Variants in OPRM1 observed in about 807,000 individuals in gnomAD.
OPRM1 encodes the protein mu-type opioid receptor.
In OPRM1, 27 loss-of-function variants were observed where a neutral mutation model predicts 31.8. The observed-to-expected ratio is 0.85, with a 90% CI of 0.63 to 1.17. OPRM1 has a LOEUF of 1.17. Ranked by LOEUF, OPRM1 falls within the 50% of genes most tolerant of loss-of-function variation. OPRM1 has a pLI of 0.00. For missense variants in OPRM1, 536 were observed against 511.1 expected (o/e 1.05, Z -0.47); for synonymous variants, 196 against 189.9 (o/e 1.03, Z -0.26).
intron 3 of OPRM1, among the ~76,000 whole-genome samples, chr6:154,112,833 C>T (rs1158210222): frequency 6.6e-6 from 1 of 152,202 alleles, no homozygotes; most frequent in African/African-American, 2.4e-5. Flanking sequence ...TCTGTTTCCA[C>T]TTATTTCAGT....
rs187704204 is a variant in OPRM1 at position 154,131,528 on chromosome 6, C to T, written c.*12807C>T. Among the ~76,000 whole-genome samples the T allele has an allele frequency of 3.1e-3, 471 of 152,314 alleles. No individual in the cohort carries two copies. Among genetic ancestry groups the T allele is most frequent in the Middle Eastern group, 6.8e-3 (2 of 294 alleles). On this transcript the variant is annotated 3_prime_UTR_variant, in exon 4 of 4. Transcript: ENST00000330432. ...TGGGGGTGAAATAAAAGATAGACCC[C>T]TGCTGCTCTGCACGTAGATTCAGTT...
At chr6:154,088,259 C>G (rs181576286) in intron 1 of OPRM1, among the ~76,000 whole-genome samples, 92 of 152,184 alleles carry the variant, frequency 6.0e-4, no homozygotes, top group African/African-American at 1.9e-3. Context: ...CTAGGAAATG[C>G]AAACTAATCT....
chr6:154,052,707 A>G lies in OPRM1; in HGVS notation c.290+12873A>G, dbSNP rs183623772. Among the ~76,000 whole-genome samples, 23 of 152,346 alleles carry G rather than the reference A, an allele frequency of 1.5e-4. No individual in the cohort carries two copies. In the East Asian group the frequency reaches 4.4e-3, roughly 29 times the overall value. On this transcript the variant is annotated intron_variant, in intron 1 of 3. Transcript: ENST00000330432. ...ATTTTATTCTTGCAGTGGTCATGAA[A>G]TAGGAACACATCATCTTCTTTAGAA...
At chr6:154,188,964 G>A (rs1801623496) in intron 3 of OPRM1, among the ~76,000 whole-genome samples, 1 of 151,830 alleles carries the variant, frequency 6.6e-6, no homozygotes, top group African/African-American at 2.4e-5. Context: ...ATAAAGGAAA[G>A]GATAGATAAT....
chr6:154,025,776 G>T (rs1451269274), intron 1 of OPRM1, among the ~76,000 whole-genome samples: 1 of 151,876 alleles, frequency 6.6e-6, no homozygotes, highest in Non-Finnish European at 1.5e-5. Flanking sequence ...AAACAATTTA[G>T]CACTTTTTGC....
chr6:154,081,624 AT>A (rs1789176736), intron 1 of OPRM1, among the ~76,000 whole-genome samples: 2 of 152,228 alleles, frequency 1.3e-5, no homozygotes, highest in South Asian at 4.1e-4. Context: ...ATGTCTCAAG[AT>A]TTCCAAGATA....
chr6:154,178,564 T>C (rs983168472), intron 3 of OPRM1, among the ~76,000 whole-genome samples: 1 of 152,174 alleles, frequency 6.6e-6, no homozygotes, highest in Non-Finnish European at 1.5e-5. Flanking sequence ...TATATGTAAA[T>C]ACAACTTGAT....
intron 3 of OPRM1, chr6:154,094,086 G>C (rs1471505023): frequency 8.1e-6 from 4 of 494,150 alleles, no homozygotes; most frequent in Non-Finnish European, 1.1e-5. Context: ...TCAACTACTT[G>C]TTTGAAGTTT....
At chr6:154,140,327 ATTTTAT>A (rs1258649313) in intron 3 of OPRM1, among the ~76,000 whole-genome samples, 1 of 121,200 alleles carries the variant, frequency 8.3e-6, no homozygotes, top group Non-Finnish European at 1.8e-5. Context: ...CGTTTATGTT[ATTTTAT>A]TTTTTTTTTT....
intron 3 of OPRM1, among the ~76,000 whole-genome samples, chr6:154,140,971 G>A (rs1466884617): frequency 6.6e-6 from 1 of 152,182 alleles, no homozygotes; most frequent in African/African-American, 2.4e-5. Flanking sequence ...CAGCTCTTCA[G>A]TACTAGACTT....
At chr6:154,152,330 A>G (rs1485501413) in intron 3 of OPRM1, among the ~76,000 whole-genome samples, 1 of 44,906 alleles carries the variant, frequency 2.2e-5, no homozygotes, top group South Asian at 1.0e-3. Context: ...AAAGAAAGAA[A>G]GAAAGAAAGA....
Position 154,049,296 on chromosome 6 carries a change from C to A in OPRM1, c.290+9462C>A, listed in dbSNP as rs75844980. Among the ~76,000 whole-genome samples, 896 of 151,794 alleles carry A rather than the reference C, an allele frequency of 5.9e-3. 3 individuals carry two copies. Among genetic ancestry groups the A allele is most frequent in the African/African-American group, 0.018 (764 of 41,424 alleles). ...TCACCACCACCACCAACAACAACAA[C>A]AAAAAAACACAGAAATGTGAAAAAT... On this transcript the variant is annotated intron_variant, in intron 1 of 3. Transcript: ENST00000330432.
At chr6:154,116,638 A>G (rs1796913295) in intron 3 of OPRM1, among the ~76,000 whole-genome samples, 1 of 152,110 alleles carries the variant, frequency 6.6e-6, no homozygotes, top group African/African-American at 2.4e-5. Context: ...TGGATTTACC[A>G]TAATGTAGTC....
intron 3 of OPRM1, among the ~76,000 whole-genome samples, chr6:154,146,219 G>A (rs916961721): frequency 6.6e-6 from 1 of 152,220 alleles, no homozygotes; most frequent in African/African-American, 2.4e-5. Context: ...GGCTAACATG[G>A]TGAAACCCCA....
At position 154,125,995 on chromosome 6, in the gene OPRM1, G is replaced by A. The variant is rs1797567807; in HGVS notation, c.*7274G>A. On this transcript the variant is annotated 3_prime_UTR_variant, in exon 4 of 4. Coordinates refer to ENST00000330432, the MANE Select transcript of OPRM1 (RefSeq NM_000914.5). ...TTTTTTGTATTTTTAGTAGAGACGGGGTTTCACCGTTTTAGCCGGGATGAT... is the reference window on the plus strand; with the variant it reads ...TTTTTTGTATTTTTAGTAGAGACGGAGTTTCACCGTTTTAGCCGGGATGAT... 1.4e-4 allele frequency among the ~76,000 whole-genome samples: 2 copies of A among 13,926 alleles called. 1 individual carries two copies. The highest frequency in any genetic ancestry group is 2.5e-4 in the African/African-American group (2 of 7,906). 9.1% of individuals were successfully genotyped at this position (13,926 alleles called of 152,430 possible).
chr6:154,237,874 A>G (rs1289433308), intron 3 of OPRM1, among the ~76,000 whole-genome samples: 3 of 151,906 alleles, frequency 2.0e-5, no homozygotes, highest in African/African-American at 7.3e-5. Flanking sequence ...ATGTGTCAAT[A>G]CTTATACATT....
rs150203515 is a variant in OPRM1, at chr6:154,089,738, A to G, written c.291-88A>G. On this transcript the variant is annotated intron_variant, in intron 1 of 3. Coordinates refer to ENST00000330432, the MANE Select transcript of OPRM1 (RefSeq NM_000914.5). The stretch of plus-strand genomic sequence containing the variant: ...TCTAATCTCAAAAAAGCTTTCTACT[A>G]ATTCATGCAAATTTATTATTGGAAG... 4.6e-6 allele frequency: 4 copies of G among 868,062 alleles called. No individual in the cohort carries two copies. In the East Asian group the frequency reaches 9.9e-5, roughly 22 times the overall value. The allele number at this position is 868,062 out of a possible 1,614,324, so 53.8% of individuals were successfully genotyped here.
chr6:154,020,566 A>G lies in OPRM1; in HGVS notation c.-1+9548A>G, dbSNP rs554465108. On this transcript the variant is annotated intron_variant, in intron 1 of 5. Coordinates refer to the OPRM1 transcript ENST00000434900. ...TTTGTTTGAGAAACATAAAAACACA[A>G]CCGAACACTTTATAGGCATTTGAGA... Among the ~76,000 whole-genome samples the G allele has an allele frequency of 3.0e-4, 46 of 152,346 alleles. No homozygotes were observed. The South Asian group carries it at 7.7e-3, about 25-fold the overall frequency.
intron 3 of OPRM1, among the ~76,000 whole-genome samples, chr6:154,201,100 C>A (rs1272612267): frequency 6.6e-6 from 1 of 152,208 alleles, no homozygotes; most frequent in Non-Finnish European, 1.5e-5. Context: ...TGCCTTGTTT[C>A]CCCTTCGCCT....
Sources: gnomAD v4.1 joint callset for allele counts (sites outside exome capture counted in the v4.1 genomes callset) on GRCh38, gnomAD v4.1.1 for gene constraint, MANE v1.5 for transcripts, NCBI Gene and HGNC (gene_info 2026-07-23, HGNC 2026-07-21) for gene names.